The following CIMAP1C variants were observed in gnomAD, a reference collection of about 807,000 sequenced individuals.
The protein encoded by CIMAP1C is ciliary microtubule associated protein 1C.
chr15:75,727,498 C>G, the CIMAP1C span: 1 of 1,608,042 alleles, frequency 6.2e-7, no homozygotes, highest in South Asian at 1.1e-5. Context: ...GCATCAAGCA[C>G]TCACTCCACC....
chr15:75,727,654 G>T, the CIMAP1C span: 1 of 1,028,138 alleles, frequency 9.7e-7, no homozygotes, highest in Non-Finnish European at 1.4e-6. Context: ...TGAGTGTCCG[G>T]CACACAGAAG....
chr15:75,724,350 C>T, the CIMAP1C span: 9 of 1,447,852 alleles, frequency 6.2e-6, no homozygotes, highest in East Asian at 1.4e-4. Context: ...GCTTGGGCCC[C>T]CTCCCCTCTC....
chr15:75,724,154 T>C, the CIMAP1C span: 1 of 1,342,442 alleles, frequency 7.4e-7, no homozygotes, highest in Non-Finnish European at 1.1e-6. Flanking sequence ...TTGACTGCTG[T>C]TTAGACCCTG....
At chr15:75,724,378 C>A in the CIMAP1C span, 4 of 1,140,442 alleles carry the variant, frequency 3.5e-6, no homozygotes, top group East Asian at 4.7e-5. Flanking sequence ...CTCCTTCCAG[C>A]CTGCCTCCTG....
At chr15:75,727,144 T>C in the CIMAP1C span, 12 of 1,613,998 alleles carry the variant, frequency 7.4e-6, no homozygotes, top group Non-Finnish European at 9.3e-6. Context: ...AGTACACGTT[T>C]GGCTACCGGC....
the CIMAP1C span, chr15:75,727,109 C>T: frequency 1.9e-6 from 3 of 1,613,804 alleles, no homozygotes; most frequent in Admixed American, 3.3e-5. Flanking sequence ...GAAGATCCAC[C>T]CACCGGGGGA....
chr15:75,726,335 G>T, the CIMAP1C span, among the ~76,000 whole-genome samples: 41 of 152,212 alleles, frequency 2.7e-4, no homozygotes, highest in African/African-American at 9.6e-4. Flanking sequence ...ACATCACCAT[G>T]TCTTGAAGTC....
chr15:75,726,479 G>A, the CIMAP1C span, among the ~76,000 whole-genome samples: 1 of 152,126 alleles, frequency 6.6e-6, no homozygotes, highest in Non-Finnish European at 1.5e-5. Flanking sequence ...GCTGTCAGAG[G>A]GACAATGTCT....
the CIMAP1C span, chr15:75,724,387 T>C: frequency 2.9e-6 from 3 of 1,047,822 alleles, no homozygotes; most frequent in Admixed American, 1.8e-5. Flanking sequence ...GCCTGCCTCC[T>C]GCAAAGCCCC....
At chr15:75,725,950 G>A in the CIMAP1C span, 1 of 669,460 alleles carries the variant, frequency 1.5e-6, no homozygotes, top group Non-Finnish European at 2.6e-6. Context: ...CAAACACCCA[G>A]GAGCCACAGA....
the CIMAP1C span, chr15:75,727,594 C>A: frequency 6.7e-7 from 1 of 1,502,306 alleles, no homozygotes; most frequent in South Asian, 1.3e-5. Flanking sequence ...TTTTTCTACA[C>A]CAAATTGAGC....
the CIMAP1C span, chr15:75,726,172 G>A: frequency 3.4e-5 from 42 of 1,251,388 alleles, no homozygotes; most frequent in Non-Finnish European, 4.6e-5. Context: ...TCCAACCTGC[G>A]TAAGATGGGG....
At chr15:75,727,088 T>C in the CIMAP1C span, 1 of 1,613,684 alleles carries the variant, frequency 6.2e-7, no homozygotes, top group Admixed American at 1.7e-5. Context: ...ATCCTGCCAG[T>C]ACTACTTTGA....
chr15:75,725,119 G>A, the CIMAP1C span: 306 of 1,613,458 alleles, frequency 1.9e-4, no homozygotes, highest in Non-Finnish European at 2.3e-4. Context: ...TCCGGGGCCC[G>A]CCAAGTACCT....
chr15:75,727,595 C>G, the CIMAP1C span: 2 of 1,500,310 alleles, frequency 1.3e-6, no homozygotes, highest in East Asian at 2.3e-5. Flanking sequence ...TTTTCTACAC[C>G]AAATTGAGCA....
chr15:75,724,982 G>C, the CIMAP1C span: 1 of 636,680 alleles, frequency 1.6e-6, no homozygotes, highest in African/African-American at 1.8e-5. Flanking sequence ...TGGATGCTGG[G>C]CTCGTGGCAG....
At chr15:75,724,428 C>T in the CIMAP1C span, 2 of 755,248 alleles carry the variant, frequency 2.6e-6, no homozygotes, top group African/African-American at 1.7e-5. Context: ...TACAGAAGAC[C>T]TGAGCCTCCA....
At chr15:75,727,303 A>G in the CIMAP1C span, 1 of 1,614,208 alleles carries the variant, frequency 6.2e-7, no homozygotes, top group East Asian at 2.2e-5. Flanking sequence ...AGGATGTGGC[A>G]GGAGGCCCTG....
the CIMAP1C span, chr15:75,727,345 C>T: frequency 1.2e-6 from 2 of 1,614,170 alleles, no homozygotes; most frequent in South Asian, 2.2e-5. Context: ...CTGAGCCATC[C>T]ATCTATCAGA....
Sources: gnomAD v4.1 joint callset for allele counts (sites outside exome capture counted in the v4.1 genomes callset) on GRCh38, gnomAD v4.1.1 for gene constraint, MANE v1.5 for transcripts, NCBI Gene and HGNC (gene_info 2026-07-23, HGNC 2026-07-21) for gene names.